ADGRF3: variants seen among roughly 807,000 people sequenced by gnomAD.
ADGRF3 encodes adhesion G protein-coupled receptor F3.
In ADGRF3, 85 loss-of-function variants were observed where a neutral mutation model predicts 93.2. That is an observed-to-expected ratio of 0.91 (90% CI 0.77 to 1.09). The LOEUF is 1.09. Among genes scored for constraint, ADGRF3 ranks in the 50% least tolerant of loss-of-function variants. ADGRF3 has a pLI of 0.00. For synonymous variants in ADGRF3, 534 were observed against 532.5 expected (o/e 1.00, Z -0.04); for missense variants, 1,125 against 1,246.2 (o/e 0.90, Z 1.46).
intron 1 of ADGRF3, chr2:26,319,243 G>T: frequency 1.8e-6 from 1 of 563,166 alleles, no homozygotes; most frequent in Non-Finnish European, 3.1e-6. Context: ...GAGCCCACAT[G>T]CCCCAGTGAG....
intron 9 of ADGRF3, 88 bp downstream of exon 9, chr2:26,312,855 G>GA: frequency 7.9e-7 from 1 of 1,263,528 alleles, no homozygotes. Flanking sequence ...AGCCCATGGT[G>GA]ACATCAGAGG....
At chr2:26,327,413 T>C (rs899977848) in intron 1 of ADGRF3, among the ~76,000 whole-genome samples, 5 of 152,186 alleles carry the variant, frequency 3.3e-5, no homozygotes, top group Non-Finnish European at 7.3e-5. Context: ...TTATTTCCCT[T>C]TGAGCTGGAT....
chr2:26,317,100 C>A (rs1192563449), intron 2 of ADGRF3, 45 bp from the exon 3 acceptor site: 2 of 1,554,410 alleles, frequency 1.3e-6, no homozygotes, highest in Admixed American at 4.1e-5. Context: ...GCAGCGAGGC[C>A]ACAAGCCGGT....
chr2:26,344,787 C>T (rs899304426), intron 1 of ADGRF3, among the ~76,000 whole-genome samples: 2 of 152,144 alleles, frequency 1.3e-5, no homozygotes, highest in Admixed American at 1.3e-4. Flanking sequence ...GCCGTGATCA[C>T]GTCACTGCAT....
At position 26,309,537 on chromosome 2, in the gene ADGRF3, G is replaced by A. The variant is rs1321788161; in HGVS notation, c.2982C>T (p.Ser994=). 5.0e-6 allele frequency: 8 copies of A among 1,612,324 alleles called. No individual in the cohort carries two copies. The highest frequency in any genetic ancestry group is 1.7e-4 in the Middle Eastern group (1 of 6,014). The part of the protein sequence containing the change: ...GCILEHSKGG[S]DTARKTDASE ...AGCCTAGTTCTCACCTGGCAGTGTC[G>A]CTTCCTCCTTTGCTGTGTTCCAAGA... The change falls in exon 13 of 14, where the codon AGC becomes AGT. Residue 994 remains serine, a synonymous_variant. Coordinates refer to ENST00000651242, the MANE Select transcript of ADGRF3 (RefSeq NM_001321971.2).
intron 1 of ADGRF3, among the ~76,000 whole-genome samples, chr2:26,328,488 C>T (rs1675575381): frequency 7.2e-6 from 1 of 138,394 alleles, no homozygotes. Flanking sequence ...GAGTCTCGCT[C>T]TATTGCCTAG....
intron 3 of ADGRF3, 58 bp downstream of exon 3, chr2:26,316,854 A>G: frequency 1.3e-6 from 2 of 1,528,904 alleles, no homozygotes; most frequent in South Asian, 1.3e-5. Context: ...AGCTGGCTGC[A>G]GGAGGCCCGG....
chr2:26,346,349 G>C lies in ADGRF3; in HGVS notation c.-115C>G. ...CCCGGCCTCGCCCAGGCGGCTGAGGGGCCCGCGCGGCGCGGTCCGTGTCAC... is the reference window on the plus strand; with the variant it reads ...CCCGGCCTCGCCCAGGCGGCTGAGGCGCCCGCGCGGCGCGGTCCGTGTCAC... On this transcript the variant is annotated 5_prime_UTR_variant, in exon 1 of 14. Transcript: ENST00000651242. 6.5e-7 allele frequency: 1 copy of C among 1,541,908 alleles called. No homozygotes were observed. The highest frequency in any genetic ancestry group is 8.7e-7 in the Non-Finnish European group (1 of 1,144,932).
At chr2:26,322,081 G>C (rs12053369) in intron 1 of ADGRF3, among the ~76,000 whole-genome samples, 1 of 151,466 alleles carries the variant, frequency 6.6e-6, no homozygotes, top group Admixed American at 6.6e-5. Flanking sequence ...TCAGGAGTTC[G>C]AGACCAGCCT....
In ADGRF3 at chr2:26,308,209, GC is replaced by G. The variant is rs1338715375; in HGVS notation, c.*876del. On this transcript the variant is annotated 3_prime_UTR_variant, in exon 14 of 14. Transcript: ENST00000651242. ...AACCATTTTTATTTTAACAGAAAAT[GC>G]CCCCGTCCCATTTTATAAAAAATAT... 6.6e-6 allele frequency: 1 copy of G among 151,948 alleles called. No individual in the cohort carries two copies. Among genetic ancestry groups the G allele is most frequent in the African/African-American group, 2.4e-5 (1 of 41,382 alleles). 9.4% of individuals were successfully genotyped at this position (151,948 alleles called of 1,614,324 possible).
At chr2:26,313,618 C>T (rs371241206) in intron 7 of ADGRF3, 45 bp from the exon 8 acceptor site, 29 of 1,575,510 alleles carry the variant, frequency 1.8e-5, no homozygotes, top group Non-Finnish European at 2.3e-5. Context: ...ACAGCCTCAC[C>T]TGAGCCTCTC....
chr2:26,329,579 GT>G (rs1308310333), intron 1 of ADGRF3, among the ~76,000 whole-genome samples: 1 of 152,194 alleles, frequency 6.6e-6, no homozygotes, highest in Non-Finnish European at 1.5e-5. Flanking sequence ...TTTTACCTCT[GT>G]AAGATTCATT....
rs573976681 is a variant in ADGRF3 at position 26,322,791 on chromosome 2, T to G, written c.115-5229A>C. Among the ~76,000 whole-genome samples the G allele has an allele frequency of 4.3e-4, 66 of 152,320 alleles. 1 individual carries two copies. The highest frequency in any genetic ancestry group is 8.3e-4 in the South Asian group (4 of 4,830). On this transcript the variant is annotated intron_variant, in intron 1 of 13. Transcript: ENST00000651242. ...GATTTGGTATATTTTTCTACTTTTC[T>G]GTATGTTTCAATTTTGTATTCTGTA...
chr2:26,345,916 C>CGAAGAGAGCTG (rs1448758442), intron 1 of ADGRF3: 1 of 557,236 alleles, frequency 1.8e-6, no homozygotes, highest in Non-Finnish European at 3.1e-6. Context: ...AATGAAGCGA[C>CGAAGAGAGCTG]GAAGAGAGCT....
intron 1 of ADGRF3, among the ~76,000 whole-genome samples, chr2:26,331,719 C>T (rs899857677): frequency 2.6e-5 from 4 of 151,766 alleles, no homozygotes; most frequent in Non-Finnish European, 5.9e-5. Context: ...CAGAGTGAGA[C>T]CAATCTTTAA....
At chr2:26,313,296 A>C in intron 8 of ADGRF3, 81 bp downstream of exon 8, 6 of 1,434,548 alleles carry the variant, frequency 4.2e-6, no homozygotes, top group Non-Finnish European at 5.6e-6. Flanking sequence ...GGCCTTGGGG[A>C]AAAGGGTCTG....
chr2:26,323,990 C>G (rs975660101), intron 1 of ADGRF3, among the ~76,000 whole-genome samples: 1 of 151,968 alleles, frequency 6.6e-6, no homozygotes, highest in Non-Finnish European at 1.5e-5. Context: ...GCCTGTAATC[C>G]CAGCACTTTG....
intron 1 of ADGRF3, among the ~76,000 whole-genome samples, chr2:26,331,661 T>G (rs1024127884): frequency 6.6e-6 from 1 of 152,176 alleles, no homozygotes; most frequent in African/African-American, 2.4e-5. Flanking sequence ...GCCCAAGAGT[T>G]TGAGGCTGCG....
intron 1 of ADGRF3, among the ~76,000 whole-genome samples, chr2:26,327,409 C>T (rs1017114382): frequency 4.6e-5 from 7 of 152,312 alleles, no homozygotes; most frequent in Non-Finnish European, 8.8e-5. Flanking sequence ...TTCATTATTT[C>T]CCTTTGAGCT....
Sources: allele counts gnomAD v4.1 joint callset (sites outside exome capture counted in the v4.1 genomes callset), GRCh38; gene constraint gnomAD v4.1.1; transcripts MANE v1.5; gene names NCBI Gene and HGNC (gene_info 2026-07-23, HGNC 2026-07-21).